SQLE: variants seen among roughly 807,000 people sequenced by gnomAD.
SQLE encodes the protein squalene monooxygenase.
In SQLE, 29 loss-of-function variants were observed where a neutral mutation model predicts 60.7. That is an observed-to-expected ratio of 0.48 (90% CI 0.36 to 0.65). The LOEUF is 0.65. Ranked by LOEUF, SQLE falls within the 30% of genes least tolerant of loss-of-function variation. SQLE has a pLI of 0.00. For missense variants in SQLE, 605 were observed against 684.1 expected (o/e 0.88, Z 1.29); for synonymous variants, 237 against 246.8 (o/e 0.96, Z 0.37).
At chr8:125,019,930 A>G (rs913983037) in intron 9 of SQLE, among the ~76,000 whole-genome samples, 1 of 152,196 alleles carries the variant, frequency 6.6e-6, no homozygotes, top group Non-Finnish European at 1.5e-5. Context: ...CTCTTGCTAA[A>G]TTGGCATAGA....
chr8:125,005,664 A>T lies in SQLE; in HGVS notation c.684A>T (p.Arg228Ser). The T allele has an allele frequency of 6.2e-7, 1 of 1,604,876 alleles. No individual in the cohort carries two copies. The highest frequency in any genetic ancestry group is 8.5e-7 in the Non-Finnish European group (1 of 1,174,006). ...GTGGAAGAGCTTTCCATCACGGAAG[A>T]TTCATCATGAGTCTCCGGAAAGCAG... ...VQSGRAFHHG[R>S]FIMSLRKAAM... Residue 228 changes from arginine (R) to serine (S), a missense_variant, in exon 3 of 11, where the codon AGA becomes AGT. By Grantham distance (110) the Arg-to-Ser change is moderately radical. Transcript: ENST00000265896.
rs1814794591 is a variant in SQLE at position 124,998,926 on chromosome 8, G to A, written c.-478G>A. Reference sequence around the variant, plus strand: ...CCGGCCGCTGCTCGCCGTCGCCAGAGGCTAGGCCACGTTTCCCCCAGTGCC... The same window carrying A: ...CCGGCCGCTGCTCGCCGTCGCCAGAAGCTAGGCCACGTTTCCCCCAGTGCC... On this transcript the variant is annotated 5_prime_UTR_variant, in exon 1 of 11. Transcript: ENST00000265896. 5.6e-6 allele frequency: 2 copies of A among 354,034 alleles called. No individual in the cohort carries two copies. The highest frequency in any genetic ancestry group is 1.0e-5 in the Non-Finnish European group (2 of 197,528). The allele number at this position is 354,034 out of a possible 1,614,324, so 21.9% of individuals were successfully genotyped here.
intron 7 of SQLE, among the ~76,000 whole-genome samples, chr8:125,012,548 T>C (rs1329084874): frequency 6.6e-6 from 1 of 152,228 alleles, no homozygotes; most frequent in South Asian, 2.1e-4. Flanking sequence ...TTTAGCACAA[T>C]GTTTTTGAGG....
At chr8:125,000,792 A>G (rs541883267) in intron 1 of SQLE, among the ~76,000 whole-genome samples, 2 of 152,308 alleles carry the variant, frequency 1.3e-5, no homozygotes, top group Admixed American at 1.3e-4. Flanking sequence ...CAGTTGCTGT[A>G]TGGAGAATGG....
Position 124,999,484 on chromosome 8 carries a change from G to A in SQLE, c.81G>A (p.Glu27=), listed in dbSNP as rs1310084601. 1.3e-6 allele frequency: 2 copies of A among 1,589,004 alleles called. No homozygotes were observed. Among genetic ancestry groups the A allele is most frequent in the South Asian group, 2.3e-5 (2 of 88,074 alleles). ...FGDFITLANR[E]VLLCVLVFLS... is the part of the protein sequence containing the mutation. ...ACTTCATCACTTTGGCCAACAGGGA[G>A]GTCCTGTTGTGCGTGCTGGTGTTCC... Residue 27 remains glutamate, a synonymous_variant, in exon 1 of 11, where the codon GAG becomes GAA. Transcript: ENST00000265896.
At chr8:125,007,165 T>C (rs1433379389) in intron 3 of SQLE, among the ~76,000 whole-genome samples, 1 of 152,174 alleles carries the variant, frequency 6.6e-6, no homozygotes, top group Non-Finnish European at 1.5e-5. Flanking sequence ...TGTTACTTTT[T>C]AAAATATTTT....
intron 1 of SQLE, among the ~76,000 whole-genome samples, chr8:125,002,732 A>G (rs1165598966): frequency 6.6e-6 from 1 of 152,226 alleles, no homozygotes; most frequent in Non-Finnish European, 1.5e-5. Flanking sequence ...AAGGTGCCGA[A>G]TAGTTTGTAA....
chr8:125,014,985 A>G (rs1020341997), intron 7 of SQLE, among the ~76,000 whole-genome samples: 1 of 152,110 alleles, frequency 6.6e-6, no homozygotes, highest in African/African-American at 2.4e-5. Flanking sequence ...TGGATGATCT[A>G]TTCAGTGCTG....
chr8:125,018,487 TA>T, intron 8 of SQLE, 143 bp from the exon 9 acceptor site: 1 of 677,406 alleles, frequency 1.5e-6, no homozygotes, highest in African/African-American at 1.8e-5. Flanking sequence ...GGTGATTTTT[TA>T]TTTTTTTTGT....
chr8:125,009,447 C>T, intron 6 of SQLE, 104 bp downstream of exon 6: 2 of 1,187,014 alleles, frequency 1.7e-6, no homozygotes, highest in Non-Finnish European at 2.3e-6. Context: ...TATTCTGGAA[C>T]TGAACTATTT....
In SQLE at chr8:125,009,202, G is replaced by A; in HGVS notation, c.967G>A (p.Glu323Lys). The stretch of plus-strand genomic sequence containing the variant: ...ACCACAGTTTAAAGCAAATCATGCT[G>A]AACTTATTTTAGCTAACCCGAGTCC... ...NAPQFKANHA[E>K]LILANPSPVL... Residue 323 changes from glutamate (E) to lysine (K), a missense_variant, in exon 6 of 11, where the codon GAA (glutamate) becomes AAA (lysine). Coordinates refer to ENST00000265896, the MANE Select transcript of SQLE (RefSeq NM_003129.4). 1 of 1,612,236 alleles carries A rather than the reference G, an allele frequency of 6.2e-7. No individual in the cohort carries two copies.
In SQLE at chr8:125,011,517, G is replaced by C. The variant is rs1313261353; in HGVS notation, c.1109-20G>C. 1.3e-6 allele frequency: 2 copies of C among 1,560,156 alleles called. No homozygotes were observed. Among genetic ancestry groups the C allele is most frequent in the South Asian group, 2.4e-5 (2 of 84,484 alleles). ...GAAGTGTTATGACCCATTTCTTTGG[G>C]TTGGTGGGATTTATTGCAGATCACC... On this transcript the variant is annotated intron_variant, in intron 6 of 10. Coordinates refer to ENST00000265896, the MANE Select transcript of SQLE (RefSeq NM_003129.4).
intron 7 of SQLE, among the ~76,000 whole-genome samples, chr8:125,014,399 A>AT (rs1248707946): frequency 6.6e-6 from 1 of 151,344 alleles, no homozygotes; most frequent in African/African-American, 2.4e-5. Context: ...TATCTTTTGT[A>AT]TTTTTTTCAT....
At chr8:125,007,761 T>C (rs1006803586) in intron 4 of SQLE, among the ~76,000 whole-genome samples, 1 of 152,244 alleles carries the variant, frequency 6.6e-6, no homozygotes, top group Non-Finnish European at 1.5e-5. Context: ...GGATTTCAGA[T>C]TTTTGGATTA....
In SQLE at chr8:124,999,289, G is replaced by T; in HGVS notation, c.-115G>T. 1 of 1,013,204 alleles carries T rather than the reference G, an allele frequency of 9.9e-7. No individual in the cohort carries two copies. Among genetic ancestry groups the T allele is most frequent in the Non-Finnish European group, 1.3e-6 (1 of 755,188 alleles). 62.8% of individuals were successfully genotyped at this position (1,013,204 alleles called of 1,614,324 possible). On this transcript the variant is annotated 5_prime_UTR_variant, in exon 1 of 11. The change creates a premature stop within an existing upstream ORF in the 5' untranslated region. Transcript: ENST00000265896. ...TTCTCGTCCTGGGACACTGTTTACT[G>T]GAGTCTGGCCGGCTCTCCGTGCTCC...
At chr8:125,003,087 A>G in intron 1 of SQLE, 89 bp from the exon 2 acceptor site, 1 of 1,280,024 alleles carries the variant, frequency 7.8e-7, no homozygotes, top group Non-Finnish European at 1.0e-6. Context: ...TTAGCCTAGG[A>G]TGCAAAAGTC....
chr8:125,007,460 C>T lies in SQLE; in HGVS notation c.795C>T (p.Tyr265=). 6.4e-7 allele frequency: 1 copy of T among 1,552,252 alleles called. No homozygotes were observed. Among genetic ancestry groups the T allele is most frequent in the South Asian group, 1.2e-5 (1 of 83,682 alleles). ...ATGATGTTGTGATGGGAGTTCAGTACAAGGATAAAGAGACTGGAGATATCA... is the reference window on the plus strand; with the variant it reads ...ATGATGTTGTGATGGGAGTTCAGTATAAGGATAAAGAGACTGGAGATATCA... The part of the protein sequence containing the change: ...EEDDVVMGVQ[Y]KDKETGDIKE... The change falls in exon 4 of 11, where the codon TAC becomes TAT. Residue 265 remains tyrosine, a synonymous_variant. Transcript: ENST00000265896.
chr8:125,010,260 TATAAA>T (rs1270694597), intron 6 of SQLE, among the ~76,000 whole-genome samples: 4 of 152,206 alleles, frequency 2.6e-5, no homozygotes, highest in Non-Finnish European at 5.9e-5. Context: ...TTGAGTTGAA[TATAAA>T]GGCTTCATGA....
chr8:125,021,416 C>T (rs528827395), intron 10 of SQLE, among the ~76,000 whole-genome samples: 1 of 151,304 alleles, frequency 6.6e-6, no homozygotes, highest in Non-Finnish European at 1.5e-5. Context: ...GATATTTCAG[C>T]GTGGTGTCTC....
Sources: allele counts gnomAD v4.1 joint callset (sites outside exome capture counted in the v4.1 genomes callset), GRCh38; gene constraint gnomAD v4.1.1; transcripts MANE v1.5; gene names NCBI Gene and HGNC (gene_info 2026-07-23, HGNC 2026-07-21).